Variants in PLPPR1 observed in about 807,000 individuals in gnomAD.
The protein encoded by PLPPR1 is phospholipid phosphatase related 1.
In PLPPR1, 10 loss-of-function variants were observed where a neutral mutation model predicts 33.1. The observed-to-expected ratio is 0.30, with a 90% CI of 0.19 to 0.51. The LOEUF is 0.51. PLPPR1 is among the 20% of genes least tolerant of loss of function. The pLI is 0.97. For synonymous variants in PLPPR1, 151 were observed against 151.0 expected (o/e 1.00, Z 0.00); for missense variants, 304 against 408.1 (o/e 0.74, Z 2.20).
intron 4 of PLPPR1, among the ~76,000 whole-genome samples, chr9:101,306,434 T>A (rs1828860283): frequency 6.6e-6 from 1 of 152,200 alleles, no homozygotes; most frequent in Non-Finnish European, 1.5e-5. Context: ...TGCAGCTGAT[T>A]TCAGAAACTT....
At chr9:101,277,384 A>C (rs1053680649) in intron 3 of PLPPR1, among the ~76,000 whole-genome samples, 2 of 152,172 alleles carry the variant, frequency 1.3e-5, no homozygotes, top group Admixed American at 1.3e-4. Context: ...AAATGTGATG[A>C]CTTGGGGTAG....
At chr9:101,141,919 A>G (rs572239670) in intron 1 of PLPPR1, among the ~76,000 whole-genome samples, 1 of 152,298 alleles carries the variant, frequency 6.6e-6, no homozygotes, top group African/African-American at 2.4e-5. Flanking sequence ...TTGCCTAACA[A>G]TATAGAAAAT....
intron 1 of PLPPR1, among the ~76,000 whole-genome samples, chr9:101,130,976 G>A (rs1273477779): frequency 6.6e-6 from 1 of 151,012 alleles, no homozygotes; most frequent in Non-Finnish European, 1.5e-5. Flanking sequence ...TTATGCATGT[G>A]TAAAATGTAG....
chr9:101,277,819 T>TA (rs1828226405), intron 3 of PLPPR1, among the ~76,000 whole-genome samples: 1 of 152,210 alleles, frequency 6.6e-6, no homozygotes, highest in African/African-American at 2.4e-5. Flanking sequence ...CTTGCCTGGG[T>TA]AGACCAGCAA....
In PLPPR1 at chr9:101,318,892, G is replaced by T. The variant is rs529752998; in HGVS notation, c.945+1396G>T. The stretch of plus-strand genomic sequence containing the variant: ...TGGATGAGTAGGAGTTCTTTAAGCA[G>T]ATGGGGGACAACTAATAATATGATT... On this transcript the variant is annotated intron_variant, in intron 7 of 7. Transcript: ENST00000374874. 2.0e-5 allele frequency among the ~76,000 whole-genome samples: 3 copies of T among 152,298 alleles called. No individual in the cohort carries two copies. The South Asian group carries it at 6.2e-4, about 32-fold the overall frequency.
chr9:101,247,381 C>T (rs1827630707), intron 2 of PLPPR1, among the ~76,000 whole-genome samples: 1 of 152,064 alleles, frequency 6.6e-6, no homozygotes, highest in South Asian at 2.1e-4. Context: ...TTGGGTCTTA[C>T]ATCAACCACT....
At chr9:101,060,970 G>A (rs948127040) in intron 1 of PLPPR1, among the ~76,000 whole-genome samples, 1 of 151,792 alleles carries the variant, frequency 6.6e-6, no homozygotes, top group Non-Finnish European at 1.5e-5. Context: ...ACTCTGAACT[G>A]CTTTTGACCA....
intron 1 of PLPPR1, among the ~76,000 whole-genome samples, chr9:101,057,623 T>C (rs556051114): frequency 6.6e-6 from 1 of 152,330 alleles, no homozygotes; most frequent in East Asian, 1.9e-4. Context: ...TATATATTTA[T>C]ACTAATTTGC....
At chr9:101,189,255 T>G (rs1392841967) in intron 2 of PLPPR1, among the ~76,000 whole-genome samples, 1 of 152,116 alleles carries the variant, frequency 6.6e-6, no homozygotes, top group Non-Finnish European at 1.5e-5. Context: ...TTTCAGGTTA[T>G]AGGTAGATTT....
intron 1 of PLPPR1, among the ~76,000 whole-genome samples, chr9:101,055,201 T>C (rs1830266554): frequency 6.6e-6 from 1 of 152,252 alleles, no homozygotes; most frequent in African/African-American, 2.4e-5. Flanking sequence ...GAGGATCATC[T>C]GTAACATTAA....
chr9:101,116,032 G>C lies in PLPPR1; in HGVS notation c.-45-69418G>C, dbSNP rs573517221. 2.6e-5 allele frequency among the ~76,000 whole-genome samples: 4 copies of C among 152,302 alleles called. No individual in the cohort carries two copies. The East Asian group carries it at 7.7e-4, about 29-fold the overall frequency. ...TTCTGTAGAAGCACAAAACTTTCAA[G>C]ATTCTCTAGGAATTAATACAAATCC... is the stretch of plus-strand genomic sequence containing the variant. On this transcript the variant is annotated intron_variant, in intron 1 of 7. Transcript: ENST00000374874.
At chr9:101,202,052 T>G (rs1826503748) in intron 2 of PLPPR1, among the ~76,000 whole-genome samples, 1 of 152,196 alleles carries the variant, frequency 6.6e-6, no homozygotes, top group Non-Finnish European at 1.5e-5. Flanking sequence ...AATAGGGAAT[T>G]AATCAGGTCC....
At chr9:101,264,189 G>C (rs1827947137) in intron 2 of PLPPR1, among the ~76,000 whole-genome samples, 1 of 152,102 alleles carries the variant, frequency 6.6e-6, no homozygotes, top group African/African-American at 2.4e-5. Context: ...AATCCTTAAA[G>C]TGTGCTATTC....
intron 1 of PLPPR1, among the ~76,000 whole-genome samples, chr9:101,154,104 T>C (rs1307852725): frequency 6.6e-6 from 1 of 152,194 alleles, no homozygotes; most frequent in Non-Finnish European, 1.5e-5. Context: ...CTGCTGGATT[T>C]GGTTTGCCAG....
chr9:101,214,639 T>G (rs1826752639), intron 2 of PLPPR1, among the ~76,000 whole-genome samples: 1 of 152,220 alleles, frequency 6.6e-6, no homozygotes, highest in South Asian at 2.1e-4. Context: ...TTCATTAAAT[T>G]GGTTTGGAAG....
intron 5 of PLPPR1, among the ~76,000 whole-genome samples, chr9:101,311,277 G>T (rs949594116): frequency 1.3e-5 from 2 of 152,110 alleles, no homozygotes; most frequent in Non-Finnish European, 2.9e-5. Context: ...ATGTTCTCAA[G>T]GATTCAGATG....
At chr9:101,148,889 C>T (rs1000015703) in intron 1 of PLPPR1, among the ~76,000 whole-genome samples, 3 of 152,068 alleles carry the variant, frequency 2.0e-5, no homozygotes, top group African/African-American at 4.8e-5. Context: ...GTCATTCTCC[C>T]TTCATCCCCA....
chr9:101,277,789 C>T (rs1419691136), intron 3 of PLPPR1, among the ~76,000 whole-genome samples: 1 of 152,192 alleles, frequency 6.6e-6, no homozygotes, highest in Non-Finnish European at 1.5e-5. Context: ...TGATTTCTTT[C>T]TCCTGTTTCA....
At chr9:101,092,143 G>T (rs145736915) in intron 1 of PLPPR1, among the ~76,000 whole-genome samples, 1 of 152,216 alleles carries the variant, frequency 6.6e-6, no homozygotes, top group Non-Finnish European at 1.5e-5. Context: ...TTCCTTCAAA[G>T]TAGAACACAT....
Sources: gnomAD v4.1 joint callset for allele counts (sites outside exome capture counted in the v4.1 genomes callset) on GRCh38, gnomAD v4.1.1 for gene constraint, MANE v1.5 for transcripts, NCBI Gene and HGNC (gene_info 2026-07-23, HGNC 2026-07-21) for gene names.